Variants in TENM3 observed in about 807,000 individuals in gnomAD.
TENM3 encodes the protein teneurin-3.
In TENM3, 63 loss-of-function variants were observed where a neutral mutation model predicts 255.1. That is an observed-to-expected ratio of 0.25 (90% confidence interval 0.20 to 0.30). The LOEUF (loss-of-function observed/expected upper bound fraction) is 0.30. TENM3 is among the 10% of genes least tolerant of loss of function. The probability of loss-of-function intolerance (pLI) is 1.00; values close to 1 mark genes in which losing one functional copy is unlikely to be tolerated. For missense variants in TENM3, 2,929 were observed against 3,461.1 expected (o/e 0.85, Z 3.86); for synonymous variants, 1,306 against 1,322.3 (o/e 0.99, Z 0.27).
At chr4:182,061,044 G>A in the TENM3 span, among the ~76,000 whole-genome samples, 4,326 of 152,208 alleles carry the variant, frequency 0.028, 200 homozygotes, top group African/African-American at 0.098. Context: ...ACCAGATGAG[G>A]TTGCACATAC....
At chr4:182,700,117 T>G (rs1757736409) in intron 12 of TENM3, among the ~76,000 whole-genome samples, 3 of 152,152 alleles carry the variant, frequency 2.0e-5, no homozygotes, top group African/African-American at 7.2e-5. Context: ...TTCCCAAAAG[T>G]AAGCCAGGTA....
intron 20 of TENM3, among the ~76,000 whole-genome samples, chr4:182,752,918 A>G (rs1579348262): frequency 6.6e-6 from 1 of 152,076 alleles, no homozygotes; most frequent in African/African-American, 2.4e-5. Context: ...AGATTCTGAC[A>G]AAATTGGATT....
chr4:182,286,825 C>T (rs563160294), intron 1 of TENM3, among the ~76,000 whole-genome samples: 4 of 152,264 alleles, frequency 2.6e-5, no homozygotes, highest in African/African-American at 9.6e-5. Flanking sequence ...TCCTTTCTCC[C>T]TAGCGTGTGG....
chr4:182,100,554 T>TATATATAC, the TENM3 span, among the ~76,000 whole-genome samples: 1 of 133,402 alleles, frequency 7.5e-6, no homozygotes, highest in Non-Finnish European at 1.5e-5. Flanking sequence ...TACACACACA[T>TATATATAC]ATATATACAC....
intron 1 of TENM3, among the ~76,000 whole-genome samples, chr4:182,195,167 A>G (rs957096271): frequency 1.3e-5 from 2 of 152,150 alleles, no homozygotes; most frequent in Non-Finnish European, 2.9e-5. Context: ...TGAGCAACCT[A>G]TAATGGATCC....
rs147935815 is a variant in TENM3 at position 182,777,810 on chromosome 4, G to A, written c.5304+2657G>A. 2.2e-3 allele frequency among the ~76,000 whole-genome samples: 332 copies of A among 148,452 alleles called. 1 individual carries two copies. The highest frequency in any genetic ancestry group is 7.6e-3 in the African/African-American group (307 of 40,542). The stretch of plus-strand genomic sequence containing the variant: ...GGACCTCAAGTCATCTGCCCGCCTC[G>A]GCCTCCCAAAGTGCTAGGAATACAG... On this transcript the variant is annotated intron_variant, in intron 24 of 27. Coordinates refer to ENST00000511685, the MANE Select transcript of TENM3 (RefSeq NM_001080477.4).
At chr4:182,600,730 A>C (rs1427304713) in intron 3 of TENM3, among the ~76,000 whole-genome samples, 194 bp from the exon 4 acceptor site, 1 of 152,080 alleles carries the variant, frequency 6.6e-6, no homozygotes, top group Admixed American at 6.6e-5. Flanking sequence ...TATCAAGGGT[A>C]AACTTGCTCT....
At chr4:181,900,747 G>T in the TENM3 span, among the ~76,000 whole-genome samples, 1 of 152,178 alleles carries the variant, frequency 6.6e-6, no homozygotes, top group African/African-American at 2.4e-5. Context: ...TTTCTCCTCC[G>T]TGATTTCACC....
intron 12 of TENM3, among the ~76,000 whole-genome samples, chr4:182,691,771 C>T (rs1014181068): frequency 1.3e-5 from 2 of 152,076 alleles, no homozygotes; most frequent in Admixed American, 6.5e-5. Flanking sequence ...CTCCTTTCCT[C>T]CCCAGAAAGC....
At chr4:181,927,694 C>T in the TENM3 span, among the ~76,000 whole-genome samples, 1 of 152,212 alleles carries the variant, frequency 6.6e-6, no homozygotes, top group Non-Finnish European at 1.5e-5. Context: ...ACTGACTCCT[C>T]AAGTGGGTCC....
At chr4:181,882,036 TACTC>T in the TENM3 span, among the ~76,000 whole-genome samples, 1 of 152,132 alleles carries the variant, frequency 6.6e-6, no homozygotes, top group South Asian at 2.1e-4. Context: ...AGGGTGAAAA[TACTC>T]AAGTGTAATT....
At chr4:181,874,907 C>G in the TENM3 span, among the ~76,000 whole-genome samples, 2 of 152,220 alleles carry the variant, frequency 1.3e-5, no homozygotes, top group Non-Finnish European at 2.9e-5. Context: ...ATGTGCTTCC[C>G]TTCTTTCAAA....
At chr4:181,822,643 G>T in the TENM3 span, among the ~76,000 whole-genome samples, 16 of 152,278 alleles carry the variant, frequency 1.1e-4, no homozygotes, top group Admixed American at 8.5e-4. Flanking sequence ...TAAGTTAGGA[G>T]ATTCAGCTTT....
At chr4:181,933,345 C>T in the TENM3 span, among the ~76,000 whole-genome samples, 5 of 152,134 alleles carry the variant, frequency 3.3e-5, no homozygotes, top group Non-Finnish European at 7.3e-5. Context: ...CAAGGCATAT[C>T]ACCATGACTG....
rs545900290 is a variant in TENM3, at chr4:182,789,439, T to C, written c.5601+50T>C. The C allele has an allele frequency of 3.4e-5, 53 of 1,537,356 alleles. 2 individuals carry two copies. The South Asian group carries it at 6.0e-4, about 17-fold the overall frequency. On this transcript the variant is annotated intron_variant, in intron 25 of 27. Transcript: ENST00000511685. The surrounding 1 kb of genome is among the most constrained non-coding windows in gnomAD (Gnocchi z 4.4). ...AATAGGGAAAGGATAATTCACATTT[T>C]TCAGCAATCATCCAGAGCACTAAGG...
At chr4:181,852,162 G>A in the TENM3 span, among the ~76,000 whole-genome samples, 2 of 152,320 alleles carry the variant, frequency 1.3e-5, no homozygotes, top group African/African-American at 4.8e-5. Flanking sequence ...TACAAGAGAA[G>A]GTCTTAGCGA....
chr4:182,561,033 A>G (rs1743115587), intron 3 of TENM3, among the ~76,000 whole-genome samples: 1 of 152,158 alleles, frequency 6.6e-6, no homozygotes, highest in South Asian at 2.1e-4. Flanking sequence ...TTTGAGGAAC[A>G]TTTCCAACGG....
chr4:182,709,272 C>T (rs769404098), intron 12 of TENM3, among the ~76,000 whole-genome samples: 1 of 152,068 alleles, frequency 6.6e-6, no homozygotes, highest in Non-Finnish European at 1.5e-5. Context: ...CATAAGCCAC[C>T]GCATCCAGCT....
the TENM3 span, among the ~76,000 whole-genome samples, chr4:182,020,959 C>G: frequency 2.0e-5 from 3 of 151,280 alleles, no homozygotes; most frequent in African/African-American, 7.3e-5. Flanking sequence ...CAAATTTTCT[C>G]TAGATTCAGG....
Sources: gnomAD v4.1 joint callset for allele counts (sites outside exome capture counted in the v4.1 genomes callset) on GRCh38, gnomAD v4.1.1 for gene constraint, Gnocchi (gnomAD v3.1) non-coding constraint, MANE v1.5 for transcripts, NCBI Gene and HGNC (gene_info 2026-07-23, HGNC 2026-07-21) for gene names.